CRPPA: variants seen among roughly 807,000 people sequenced by gnomAD.
CRPPA encodes D-ribitol-5-phosphate cytidylyltransferase.
In CRPPA, 43 loss-of-function variants were observed where a neutral mutation model predicts 52.0. The observed-to-expected ratio is 0.83, with a 90% CI of 0.65 to 1.07. The LOEUF is 1.07. Among genes scored for constraint, CRPPA ranks in the 50% least tolerant of loss-of-function variants. CRPPA has a pLI of 0.00. For synonymous variants in CRPPA, 250 were observed against 203.5 expected (o/e 1.23, Z -1.94); for missense variants, 629 against 551.7 (o/e 1.14, Z -1.40).
At chr7:16,198,666 G>T (rs1489644573) in intron 9 of CRPPA, among the ~76,000 whole-genome samples, 1 of 148,536 alleles carries the variant, frequency 6.7e-6, no homozygotes, top group African/African-American at 2.5e-5. Context: ...ACCCACAGGT[G>T]TGTAGGGGCA....
chr7:16,275,831 AC>A (rs1397108861), intron 6 of CRPPA, among the ~76,000 whole-genome samples: 2 of 151,992 alleles, frequency 1.3e-5, no homozygotes, highest in Non-Finnish European at 2.9e-5. Flanking sequence ...AAAAACAAAA[AC>A]AAACAAAAAA....
At chr7:16,101,507 A>C (rs1782043969) in intron 9 of CRPPA, among the ~76,000 whole-genome samples, 1 of 151,012 alleles carries the variant, frequency 6.6e-6, no homozygotes, top group South Asian at 2.1e-4. Context: ...CCCCTTTATC[A>C]TTTTTTTATT....
intron 5 of CRPPA, among the ~76,000 whole-genome samples, chr7:16,297,038 A>G (rs765442297): frequency 9.2e-5 from 14 of 152,222 alleles, no homozygotes; most frequent in Non-Finnish European, 4.4e-5. Flanking sequence ...TGAATCCAGC[A>G]TCTGCTTTAG....
chr7:16,252,713 C>G (rs995291838), intron 8 of CRPPA, among the ~76,000 whole-genome samples: 1 of 152,064 alleles, frequency 6.6e-6, no homozygotes, highest in Non-Finnish European at 1.5e-5. Flanking sequence ...TGGTAGAATT[C>G]GGCTGTGAAT....
chr7:16,281,578 C>T (rs1392864548), intron 5 of CRPPA, among the ~76,000 whole-genome samples: 1 of 152,052 alleles, frequency 6.6e-6, no homozygotes, highest in Non-Finnish European at 1.5e-5. Context: ...ACTTATAAGG[C>T]CCTGTCATAT....
chr7:16,378,018 AG>A (rs1583560084), intron 2 of CRPPA, among the ~76,000 whole-genome samples: 1 of 152,298 alleles, frequency 6.6e-6, no homozygotes, highest in East Asian at 1.9e-4. Flanking sequence ...ATCACAGAGT[AG>A]GGAGTTTACT....
rs558247327 is a variant in CRPPA, at chr7:16,234,203, GT to G, written c.1120-18007del. 1.5e-3 allele frequency among the ~76,000 whole-genome samples: 229 copies of G among 152,122 alleles called. 1 individual carries two copies. The highest frequency in any genetic ancestry group is 2.8e-3 in the Admixed American group (43 of 15,270). On this transcript the variant is annotated intron_variant, in intron 8 of 9. Coordinates refer to ENST00000407010, the MANE Select transcript of CRPPA (RefSeq NM_001101426.4). ...GCGATCCATTTAAAATTTATTCTGG[GT>G]TAAATAAAGGATGCTATCTCCAACA... is the stretch of plus-strand genomic sequence containing the variant.
intron 3 of CRPPA, among the ~76,000 whole-genome samples, chr7:16,331,068 C>T (rs939417343): frequency 1.3e-5 from 2 of 152,308 alleles, no homozygotes; most frequent in Middle Eastern, 3.4e-3. Context: ...GGCGCCATCT[C>T]GGCTCACTGC....
chr7:16,300,875 G>C (rs1393950231), intron 5 of CRPPA, among the ~76,000 whole-genome samples: 1 of 152,246 alleles, frequency 6.6e-6, no homozygotes, highest in Middle Eastern at 3.4e-3. Flanking sequence ...CTATTTAGCT[G>C]GGATCTTTGA....
At chr7:16,266,646 T>G (rs1019777144) in intron 6 of CRPPA, among the ~76,000 whole-genome samples, 3 of 151,914 alleles carry the variant, frequency 2.0e-5, no homozygotes, top group African/African-American at 7.3e-5. Context: ...GCCTGACTAA[T>G]TTTTGTATTT....
chr7:16,389,928 A>AAAAAAAAAATATAT, intron 2 of CRPPA, among the ~76,000 whole-genome samples: 1 of 29,760 alleles, frequency 3.4e-5, no homozygotes, highest in African/African-American at 1.7e-4. Flanking sequence ...AAAAAAAAAA[A>AAAAAAAAAATATAT]ATATATATAT....
chr7:16,211,919 T>C (rs1444063453), intron 9 of CRPPA, among the ~76,000 whole-genome samples: 6 of 152,210 alleles, frequency 3.9e-5, no homozygotes, highest in African/African-American at 1.2e-4. Context: ...TAGAGCAATA[T>C]GGTTTATACT....
At chr7:16,238,608 T>C (rs1381628137) in intron 8 of CRPPA, among the ~76,000 whole-genome samples, 1 of 151,946 alleles carries the variant, frequency 6.6e-6, no homozygotes, top group Non-Finnish European at 1.5e-5. Flanking sequence ...GGATAAGAAA[T>C]GGACAAATAC....
intron 8 of CRPPA, among the ~76,000 whole-genome samples, chr7:16,254,590 G>C (rs1783563240): frequency 6.6e-6 from 1 of 151,868 alleles, no homozygotes; most frequent in Non-Finnish European, 1.5e-5. Context: ...GCCTGTAGTG[G>C]GGTGAGGGGA....
intron 9 of CRPPA, among the ~76,000 whole-genome samples, chr7:16,092,303 T>TG (rs1781853592): frequency 1.3e-5 from 2 of 152,188 alleles, no homozygotes; most frequent in Admixed American, 6.5e-5. Context: ...GCCTTTGAAA[T>TG]CATATTGCCT....
intron 8 of CRPPA, among the ~76,000 whole-genome samples, chr7:16,238,935 C>T (rs1263797373): frequency 6.6e-6 from 1 of 151,876 alleles, no homozygotes; most frequent in African/African-American, 2.4e-5. Context: ...GTCAGGAGTT[C>T]GAGACCAGCC....
chr7:16,106,482 C>A (rs140150446), intron 9 of CRPPA, among the ~76,000 whole-genome samples: 55 of 152,280 alleles, frequency 3.6e-4, no homozygotes, highest in African/African-American at 1.2e-3. Flanking sequence ...AGATCCCAGC[C>A]ACCAGACAGC....
intron 9 of CRPPA, among the ~76,000 whole-genome samples, chr7:16,187,340 T>C (rs1408693093): frequency 1.3e-5 from 2 of 152,198 alleles, no homozygotes; most frequent in African/African-American, 4.8e-5. Flanking sequence ...TTCCTAAAAC[T>C]TGAATATTTC....
At chr7:16,255,057 C>A (rs563757613) in intron 8 of CRPPA, among the ~76,000 whole-genome samples, 2 of 152,124 alleles carry the variant, frequency 1.3e-5, no homozygotes, top group African/African-American at 2.4e-5. Context: ...ATGTCAGCCC[C>A]AAATCTCCTT....
Sources: gnomAD v4.1 joint callset for allele counts (sites outside exome capture counted in the v4.1 genomes callset) on GRCh38, gnomAD v4.1.1 for gene constraint, MANE v1.5 for transcripts, NCBI Gene and HGNC (gene_info 2026-07-23, HGNC 2026-07-21) for gene names.